The following P4HA2 variants were observed in gnomAD, a reference collection of about 807,000 sequenced individuals.
P4HA2 encodes prolyl 4-hydroxylase subunit alpha-2.
P4HA2 carries 46 observed loss-of-function variants against 76.9 expected under a neutral mutation model. The observed-to-expected ratio is 0.60, with a 90% CI of 0.47 to 0.76. The LOEUF is 0.76. Among genes scored for constraint, P4HA2 ranks in the 30% least tolerant of loss-of-function variants. The pLI is 0.00. For missense variants in P4HA2, 583 were observed against 669.4 expected (o/e 0.87, Z 1.42); for synonymous variants, 243 against 254.0 (o/e 0.96, Z 0.41).
intron 1 of P4HA2, among the ~76,000 whole-genome samples, chr5:132,224,965 C>T (rs1480337551): frequency 5.3e-5 from 8 of 151,700 alleles, no homozygotes; most frequent in Non-Finnish European, 2.9e-5. Flanking sequence ...TAATCCTCTG[C>T]CCTGCAATGA....
chr5:132,204,385 T>G (rs577975996), intron 8 of P4HA2, among the ~76,000 whole-genome samples: 18 of 152,296 alleles, frequency 1.2e-4, no homozygotes, highest in Admixed American at 8.5e-4. Flanking sequence ...GCTCGGTCAC[T>G]GCTCATCCCT....
At chr5:132,196,631 C>T (rs1375196462) in intron 12 of P4HA2, among the ~76,000 whole-genome samples, 5 of 151,988 alleles carry the variant, frequency 3.3e-5, no homozygotes, top group Non-Finnish European at 4.4e-5. Flanking sequence ...GAGGCCAAGG[C>T]GGGTGGATCA....
chr5:132,198,865 G>A lies in P4HA2; in HGVS notation c.1305+14C>T, dbSNP rs1751081718. The A allele has an allele frequency of 1.3e-6, 2 of 1,596,148 alleles. No individual in the cohort carries two copies. The highest frequency in any genetic ancestry group is 3.3e-5 in the Admixed American group (2 of 59,996). ...AGCAGGGCCCTTTGAAAGCACCTGTGATTTAGGCCTTACCCTAGAGAAGTC... is the reference window on the plus strand; with the variant it reads ...AGCAGGGCCCTTTGAAAGCACCTGTAATTTAGGCCTTACCCTAGAGAAGTC... On this transcript the variant is annotated intron_variant, in intron 11 of 14. Transcript: ENST00000360568.
At chr5:132,207,974 T>C in intron 7 of P4HA2, 90 bp from the exon 8 acceptor site, 2 of 1,013,224 alleles carry the variant, frequency 2.0e-6, no homozygotes, top group East Asian at 2.7e-5. Flanking sequence ...ACTCACCTCA[T>C]GGCCAGCAGC....
At chr5:132,210,232 G>C in intron 6 of P4HA2, 52 bp downstream of exon 6, 1 of 1,602,992 alleles carries the variant, frequency 6.2e-7, no homozygotes, top group Non-Finnish European at 8.5e-7. Context: ...GCACAGTGCA[G>C]TTCCTCTGCC....
At position 132,218,638 on chromosome 5, in the gene P4HA2, G is replaced by A. The variant is rs1252708974; in HGVS notation, c.-12C>T. On this transcript the variant is annotated 5_prime_UTR_variant, in exon 2 of 15. Transcript: ENST00000360568. ...ACCCAGAGTTTCATGGTCACAGAGG[G>A]AAGTGTCTGAAAGGCATTCAATGAC... 1.1e-5 allele frequency: 17 copies of A among 1,604,826 alleles called. No individual in the cohort carries two copies. Among genetic ancestry groups the A allele is most frequent in the Non-Finnish European group, 1.4e-5 (16 of 1,171,720 alleles).
chr5:132,195,484 G>T lies in P4HA2; in HGVS notation c.1366-4C>A. 6 of 1,609,408 alleles carry T rather than the reference G, an allele frequency of 3.7e-6. No homozygotes were observed. Among genetic ancestry groups the T allele is most frequent in the Non-Finnish European group, 5.1e-6 (6 of 1,175,738 alleles). On this transcript the variant is annotated splice_polypyrimidine_tract_variant and splice_region_variant and intron_variant, in intron 12 of 14. Coordinates refer to ENST00000360568, the MANE Select transcript of P4HA2 (RefSeq NM_001017974.2). ...CACCAGCTTCTACATCACTCATCTG[G>T]AAATATAAGACATAGAGCTTGACCC...
At chr5:132,219,893 C>T (rs926625196) in intron 1 of P4HA2, among the ~76,000 whole-genome samples, 3 of 152,088 alleles carry the variant, frequency 2.0e-5, no homozygotes, top group Admixed American at 2.0e-4. Context: ...AGGCCAACCA[C>T]AACTCCCATC....
rs1333619758 is a variant in P4HA2 at position 132,192,207 on chromosome 5, C to T, written c.*803G>A. The T allele has an allele frequency of 2.0e-5, 3 of 152,204 alleles. No homozygotes were observed. The highest frequency in any genetic ancestry group is 7.2e-5 in the African/African-American group (3 of 41,444). 9.4% of individuals were successfully genotyped at this position (152,204 alleles called of 1,614,324 possible). A position where few individuals can be genotyped will look rare whatever the true frequency, so the allele number is the denominator to read the frequency against. On this transcript the variant is annotated 3_prime_UTR_variant, in exon 15 of 15. Coordinates refer to ENST00000360568, the MANE Select transcript of P4HA2 (RefSeq NM_001017974.2). ...TGATCTAGGAGGGGTTCCCAAGGGG[C>T]TCCTGAGGTACTGACTTGAAAACGT...
chr5:132,220,810 G>A (rs974266969), intron 1 of P4HA2, among the ~76,000 whole-genome samples: 1 of 151,866 alleles, frequency 6.6e-6, no homozygotes, highest in Non-Finnish European at 1.5e-5. Context: ...TTTGGGCAGA[G>A]CCTCAAAGAA....
rs1158462998 is a variant in P4HA2, at chr5:132,190,395, G to T, written c.*2615C>A. Among the ~76,000 whole-genome samples the T allele has an allele frequency of 6.6e-6, 1 of 152,160 alleles. No homozygotes were observed. Among genetic ancestry groups the T allele is most frequent in the African/African-American group, 2.4e-5 (1 of 41,440 alleles). ...TGGCTTCCTGTTAGGGTCTACCAAT[G>T]GAAGCCACTAGAGGGAGATTAGACG... On this transcript the variant is annotated 3_prime_UTR_variant, in exon 15 of 15. Transcript: ENST00000360568.
At chr5:132,216,774 T>C (rs1246324849) in intron 4 of P4HA2, among the ~76,000 whole-genome samples, 2 of 152,226 alleles carry the variant, frequency 1.3e-5, no homozygotes, top group Admixed American at 6.5e-5. Context: ...CTGGTATGTA[T>C]GTATAGTTCC....
chr5:132,192,026 T>C lies in P4HA2; in HGVS notation c.*984A>G, dbSNP rs1399405920. On this transcript the variant is annotated 3_prime_UTR_variant, in exon 15 of 15. Transcript: ENST00000360568. ...TACCCAAAAATATTTACTCTCATTC[T>C]ATTAGTAAAAGTTCAAAATCAGGGA... 6.6e-6 allele frequency: 1 copy of C among 152,256 alleles called. No individual in the cohort carries two copies. The highest frequency in any genetic ancestry group is 1.9e-4 in the East Asian group (1 of 5,204). 9.4% of individuals were successfully genotyped at this position (152,256 alleles called of 1,614,324 possible).
chr5:132,194,539 C>T (rs79027068), intron 14 of P4HA2, among the ~76,000 whole-genome samples: 2,632 of 152,276 alleles, frequency 0.017, 58 homozygotes, highest in African/African-American at 0.046. Context: ...GCCCCCACAC[C>T]CGTATGCTGG....
intron 1 of P4HA2, among the ~76,000 whole-genome samples, chr5:132,225,380 G>A (rs1026876045): frequency 1.0e-3 from 158 of 152,152 alleles, no homozygotes; most frequent in African/African-American, 3.5e-3. Flanking sequence ...CCACACATCA[G>A]CCAAGGCCTT....
intron 1 of P4HA2, among the ~76,000 whole-genome samples, chr5:132,221,376 C>T (rs1009959707): frequency 6.6e-6 from 1 of 152,182 alleles, no homozygotes; most frequent in Non-Finnish European, 1.5e-5. Context: ...CAATGTCTGT[C>T]CCATACCAGG....
At chr5:132,219,223 T>C (rs960024744) in intron 1 of P4HA2, among the ~76,000 whole-genome samples, 9 of 152,224 alleles carry the variant, frequency 5.9e-5, no homozygotes, top group Admixed American at 3.3e-4. Context: ...AGTCTGCACC[T>C]GCCAGAGAAA....
intron 6 of P4HA2, 88 bp downstream of exon 6, chr5:132,210,196 C>A: frequency 6.8e-7 from 1 of 1,471,556 alleles, no homozygotes; most frequent in South Asian, 1.2e-5. Flanking sequence ...TGACTCAGTC[C>A]CAGGAGAGGG....
chr5:132,205,003 A>G (rs1194914130), intron 8 of P4HA2, among the ~76,000 whole-genome samples: 1 of 152,104 alleles, frequency 6.6e-6, no homozygotes, highest in Non-Finnish European at 1.5e-5. Flanking sequence ...AGGCCCAGGT[A>G]CTCCCACCCC....
Sources: gnomAD v4.1 joint callset for allele counts (sites outside exome capture counted in the v4.1 genomes callset) on GRCh38, gnomAD v4.1.1 for gene constraint, MANE v1.5 for transcripts, NCBI Gene and HGNC (gene_info 2026-07-23, HGNC 2026-07-21) for gene names.